The following CD47 variants were observed in gnomAD, a reference collection of about 807,000 sequenced individuals.
CD47 encodes the protein leukocyte surface antigen CD47.
A neutral mutation model predicts 44.6 loss-of-function variants in CD47; 11 were observed. The observed-to-expected ratio is 0.25, with a 90% CI of 0.16 to 0.41. The LOEUF is 0.41. CD47 is among the 10% of genes least tolerant of loss of function. The probability of loss-of-function intolerance (pLI) is 1.00; values close to 1 mark genes in which losing one functional copy is unlikely to be tolerated. For missense variants in CD47, 306 were observed against 386.7 expected (o/e 0.79, Z 1.75); for synonymous variants, 140 against 136.3 (o/e 1.03, Z -0.19).
chr3:108,044,697 T>C lies in CD47; in HGVS notation c.*2591A>G, dbSNP rs1422625495. 6.6e-6 allele frequency: 1 copy of C among 152,018 alleles called. No homozygotes were observed. Among genetic ancestry groups the C allele is most frequent in the Non-Finnish European group, 1.5e-5 (1 of 68,002 alleles). 9.4% of individuals were successfully genotyped at this position (152,018 alleles called of 1,614,324 possible). ...GATGCATAAAGTACTATAGGAATGGTAAGTTAAGAGACAAAAGAGCAGCTA... is the reference window on the plus strand; with the variant it reads ...GATGCATAAAGTACTATAGGAATGGCAAGTTAAGAGACAAAAGAGCAGCTA... On this transcript the variant is annotated 3_prime_UTR_variant, in exon 11 of 11. Transcript: ENST00000361309.
At chr3:108,048,519 G>A (rs1390437109) in intron 10 of CD47, among the ~76,000 whole-genome samples, 1 of 151,764 alleles carries the variant, frequency 6.6e-6, no homozygotes, top group African/African-American at 2.4e-5. Flanking sequence ...CAAGTAGCTG[G>A]GACCACAGGT....
chr3:108,069,277 G>A (rs1331244848), intron 3 of CD47, among the ~76,000 whole-genome samples: 2 of 152,128 alleles, frequency 1.3e-5, no homozygotes, highest in Non-Finnish European at 2.9e-5. Flanking sequence ...CAAGATGAGA[G>A]TTAAGTAAAT....
At chr3:108,085,083 C>T (rs1382304675) in intron 1 of CD47, among the ~76,000 whole-genome samples, 1 of 152,080 alleles carries the variant, frequency 6.6e-6, no homozygotes, top group African/African-American at 2.4e-5. Context: ...CTTCAAGATC[C>T]TTTCCAGCCC....
chr3:108,055,574 C>T (rs2078900222), intron 7 of CD47: 1 of 1,301,138 alleles, frequency 7.7e-7, no homozygotes, highest in East Asian at 5.6e-5. Context: ...ACCCTGGCAT[C>T]AGACAAGTTG....
chr3:108,088,214 T>G (rs2108276581), intron 1 of CD47, among the ~76,000 whole-genome samples: 1 of 152,366 alleles, frequency 6.6e-6, no homozygotes, highest in East Asian at 1.9e-4. Context: ...GAATTCATAC[T>G]ATGAAATGCA....
chr3:108,088,284 G>A (rs1202826996), intron 1 of CD47, among the ~76,000 whole-genome samples: 1 of 152,056 alleles, frequency 6.6e-6, no homozygotes, highest in African/African-American at 2.4e-5. Flanking sequence ...CAATTTGGGG[G>A]GAAAGTCATC....
chr3:108,081,875 C>T (rs1427918187), intron 1 of CD47, among the ~76,000 whole-genome samples: 1 of 151,852 alleles, frequency 6.6e-6, no homozygotes. Context: ...TGTTATATTT[C>T]TGGGAAATTG....
intron 8 of CD47, chr3:108,051,627 A>G: frequency 2.0e-6 from 1 of 495,192 alleles, no homozygotes; most frequent in Non-Finnish European, 4.0e-6. Context: ...CCAACAGGTG[A>G]GGTGATATAT....
chr3:108,047,810 C>A (rs2078745851), intron 10 of CD47, among the ~76,000 whole-genome samples: 1 of 152,158 alleles, frequency 6.6e-6, no homozygotes, highest in Non-Finnish European at 1.5e-5. Context: ...AAATTCTGAT[C>A]AGCTGAATAT....
At chr3:108,073,630 T>C (rs1267394455) in intron 2 of CD47, among the ~76,000 whole-genome samples, 2 of 152,186 alleles carry the variant, frequency 1.3e-5, no homozygotes, top group South Asian at 2.1e-4. Flanking sequence ...TGGGAAGAGT[T>C]TGCTGGGGCA....
intron 1 of CD47, among the ~76,000 whole-genome samples, chr3:108,081,290 A>G (rs992689915): frequency 2.0e-5 from 3 of 152,146 alleles, no homozygotes; most frequent in Admixed American, 2.0e-4. Context: ...TAGGAATTGT[A>G]GTTGTCTTCC....
intron 4 of CD47, among the ~76,000 whole-genome samples, chr3:108,060,249 G>A (rs565603483): frequency 6.6e-6 from 1 of 152,282 alleles, no homozygotes; most frequent in South Asian, 2.1e-4. Context: ...TACAGCAAAA[G>A]AGTGAATACT....
intron 9 of CD47, 27 bp downstream of exon 9, chr3:108,050,551 A>G (rs2108220728): frequency 8.9e-7 from 1 of 1,128,890 alleles, no homozygotes; most frequent in Non-Finnish European, 1.3e-6. Flanking sequence ...GATCTGGTAA[A>G]GGATTAAGAG....
intron 8 of CD47, 110 bp downstream of exon 8, chr3:108,051,829 T>A (rs890580911): frequency 1.2e-6 from 1 of 834,778 alleles, no homozygotes; most frequent in African/African-American, 1.7e-5. Flanking sequence ...TTCAACATTC[T>A]CTTAATTTGA....
chr3:108,068,402 A>C (rs2108248849), intron 3 of CD47, among the ~76,000 whole-genome samples: 1 of 152,304 alleles, frequency 6.6e-6, no homozygotes, highest in Non-Finnish European at 1.5e-5. Flanking sequence ...GGTGTCCAGC[A>C]ATCAGTAGGC....
intron 1 of CD47, 22 bp downstream of exon 1, chr3:108,090,841 C>G (rs139496085): frequency 1.3e-6 from 2 of 1,484,900 alleles, no homozygotes; most frequent in East Asian, 5.7e-5. Context: ...AGCCGCAGGG[C>G]TGGGAGCGAG....
At chr3:108,055,473 T>C in intron 7 of CD47, 1 of 1,051,270 alleles carries the variant, frequency 9.5e-7, no homozygotes, top group Non-Finnish European at 1.3e-6. Context: ...ACCATATTAA[T>C]GTTCCTCCTA....
chr3:108,055,610 A>G, intron 7 of CD47: 1 of 1,122,106 alleles, frequency 8.9e-7, no homozygotes, highest in Non-Finnish European at 1.2e-6. Context: ...TTAGGATACT[A>G]TCAATAAAAT....
chr3:108,068,730 C>T (rs2079146911), intron 3 of CD47, among the ~76,000 whole-genome samples: 1 of 152,126 alleles, frequency 6.6e-6, no homozygotes, highest in African/African-American at 2.4e-5. Context: ...AAATAAATGT[C>T]ATTTCAGATA....
Sources: allele counts gnomAD v4.1 joint callset (sites outside exome capture counted in the v4.1 genomes callset), GRCh38; gene constraint gnomAD v4.1.1; transcripts MANE v1.5; gene names NCBI Gene and HGNC (gene_info 2026-07-23, HGNC 2026-07-21).